The following CADM2 variants were observed in gnomAD, a reference collection of about 807,000 sequenced individuals.
The protein encoded by CADM2 is immunoglobulin superfamily member 4D.
In CADM2, 12 loss-of-function variants were observed where a neutral mutation model predicts 49.8. The observed-to-expected ratio is 0.24, with a 90% CI of 0.15 to 0.39. The LOEUF (loss-of-function observed/expected upper bound fraction) is 0.39, where lower values mean the gene tolerates loss of function less well. Among genes scored for constraint, CADM2 ranks in the 10% least tolerant of loss-of-function variants. CADM2 has a pLI of 1.00. For synonymous variants in CADM2, 214 were observed against 175.4 expected, an observed-to-expected ratio of 1.22 and a Z score of -1.74; for missense variants, 378 against 492.3, an observed-to-expected ratio of 0.77 and a Z score of 2.20.
At chr3:84,987,901 C>G (rs1216761451) in intron 1 of CADM2, among the ~76,000 whole-genome samples, 1 of 152,112 alleles carries the variant, frequency 6.6e-6, no homozygotes. Flanking sequence ...GATAAATGAG[C>G]CCAGTTCTCC....
chr3:86,046,764 C>T (rs529456224), intron 8 of CADM2, among the ~76,000 whole-genome samples: 45 of 151,974 alleles, frequency 3.0e-4, no homozygotes, highest in African/African-American at 9.9e-4. Context: ...ATTTTTCCTC[C>T]GTCTTAAACA....
chr3:85,259,109 A>G (rs1372769658), intron 1 of CADM2, among the ~76,000 whole-genome samples: 2 of 152,176 alleles, frequency 1.3e-5, no homozygotes, highest in Admixed American at 6.6e-5. Context: ...AAGGGAAACT[A>G]AAACAAGTAC....
intron 1 of CADM2, among the ~76,000 whole-genome samples, chr3:85,703,444 C>G (rs571066919): frequency 6.6e-6 from 1 of 152,204 alleles, no homozygotes; most frequent in African/African-American, 2.4e-5. Context: ...TCCATTCACA[C>G]TAAGAGAATA....
intron 2 of CADM2, among the ~76,000 whole-genome samples, chr3:85,760,311 C>T (rs2069311625): frequency 6.6e-6 from 1 of 151,058 alleles, no homozygotes; most frequent in Admixed American, 6.6e-5. Flanking sequence ...AAATTTTTCC[C>T]AGCTGTGTCC....
intron 1 of CADM2, among the ~76,000 whole-genome samples, chr3:85,635,924 C>T (rs1351921449): frequency 1.3e-5 from 2 of 152,098 alleles, no homozygotes; most frequent in East Asian, 3.8e-4. Context: ...ATAACATTGT[C>T]ATATAGAACA....
At chr3:85,416,585 C>A (rs187764981) in intron 1 of CADM2, among the ~76,000 whole-genome samples, 4 of 152,174 alleles carry the variant, frequency 2.6e-5, no homozygotes, top group Admixed American at 2.6e-4. Flanking sequence ...CTAATGCCCC[C>A]ACTCCAAAGA....
rs183122327 is a variant in CADM2 at position 85,885,836 on chromosome 3, A to G, written c.392-354A>G. 2.5e-3 allele frequency among the ~76,000 whole-genome samples: 352 copies of G among 140,658 alleles called. 1 individual carries two copies. The highest frequency in any genetic ancestry group is 9.5e-3 in the African/African-American group (342 of 36,004). The allele number at this position is 140,658 out of a possible 152,430, so 92.3% of individuals were successfully genotyped here. ...CAGTCCACTCCATCCTGGGCGACAGAGCAAGATCCTGTCTCAAAAAAAAAA... is the reference window on the plus strand; with the variant it reads ...CAGTCCACTCCATCCTGGGCGACAGGGCAAGATCCTGTCTCAAAAAAAAAA... On this transcript the variant is annotated intron_variant, in intron 4 of 9. Coordinates refer to ENST00000383699, the MANE Select transcript of CADM2 (RefSeq NM_001167675.2).
At chr3:85,489,585 A>G (rs895943189) in intron 1 of CADM2, among the ~76,000 whole-genome samples, 1 of 152,074 alleles carries the variant, frequency 6.6e-6, no homozygotes, top group African/African-American at 2.4e-5. Flanking sequence ...GCGCACCAGA[A>G]TGGCACATGT....
rs1232366745 is a variant in CADM2 at position 85,530,321 on chromosome 3, CGTTTTT to C, written c.62-196200_62-196195del. On this transcript the variant is annotated intron_variant, in intron 1 of 9. Coordinates refer to ENST00000383699, the MANE Select transcript of CADM2 (RefSeq NM_001167675.2). ...GTGAGTCAGTTAGACTTCTTTTCTCCGTTTTTTTTTTTTTTTTTTTTTTTTTTGAGA... is the reference window on the plus strand; with the variant it reads ...GTGAGTCAGTTAGACTTCTTTTCTCCTTTTTTTTTTTTTTTTTTTTTGAGA... Among the ~76,000 whole-genome samples, 458 of 119,024 alleles carry C rather than the reference CGTTTTT, an allele frequency of 3.8e-3. 27 individuals are homozygous for C. The highest frequency in any genetic ancestry group is 0.021 in the Middle Eastern group (5 of 236). 78.1% of individuals were successfully genotyped at this position (119,024 alleles called of 152,430 possible). A position where few individuals can be genotyped will look rare whatever the true frequency, so the allele number is the denominator to read the frequency against.
intron 1 of CADM2, among the ~76,000 whole-genome samples, chr3:85,520,043 C>T (rs2060995188): frequency 6.6e-6 from 1 of 151,898 alleles, no homozygotes; most frequent in South Asian, 2.1e-4. Flanking sequence ...GTACTATTGT[C>T]CCTGGAGACT....
chr3:84,961,238 C>A (rs1288790835), intron 1 of CADM2, among the ~76,000 whole-genome samples: 2 of 152,086 alleles, frequency 1.3e-5, no homozygotes, highest in East Asian at 3.9e-4. Context: ...CTGCCCTCCT[C>A]CGGGATATAG....
chr3:86,068,741 T>C lies in CADM2; in HGVS notation c.*1958T>C, dbSNP rs1739588617. ...TTTTTCAGAATATACAGAACATAAA[T>C]AATATGATGTGGTTGAGTGTTAACA... On this transcript the variant is annotated 3_prime_UTR_variant, in exon 10 of 10. Coordinates refer to ENST00000383699, the MANE Select transcript of CADM2 (RefSeq NM_001167675.2). 6.6e-6 allele frequency: 1 copy of C among 152,364 alleles called. No homozygotes were observed. Among genetic ancestry groups the C allele is most frequent in the African/African-American group, 2.4e-5 (1 of 41,432 alleles). The allele number at this position is 152,364 out of a possible 1,614,324, so 9.4% of individuals were successfully genotyped here. A position where few individuals can be genotyped will look rare whatever the true frequency, so the allele number is the denominator to read the frequency against.
At chr3:85,934,250 G>A (rs1282560276) in intron 6 of CADM2, among the ~76,000 whole-genome samples, 2 of 152,092 alleles carry the variant, frequency 1.3e-5, no homozygotes, top group Admixed American at 6.6e-5. Flanking sequence ...GACCAGAACA[G>A]TCTGGTTCAC....
intron 1 of CADM2, among the ~76,000 whole-genome samples, chr3:85,641,097 A>G (rs921273989): frequency 3.9e-5 from 6 of 152,194 alleles, no homozygotes; most frequent in African/African-American, 1.4e-4. Context: ...TAGAACTTCT[A>G]CCACTGCATT....
chr3:85,045,014 C>T (rs1399827715), intron 1 of CADM2, among the ~76,000 whole-genome samples: 1 of 152,032 alleles, frequency 6.6e-6, no homozygotes, highest in Non-Finnish European at 1.5e-5. Flanking sequence ...TAAGACATTG[C>T]TTTAAAAAGC....
chr3:85,543,996 A>C (rs17517273), intron 1 of CADM2, among the ~76,000 whole-genome samples: 77,905 of 152,080 alleles, frequency 0.51, 23,046 homozygotes, highest in East Asian at 0.85. Flanking sequence ...CTTCCAATAT[A>C]CTGATAGCAT....
intron 1 of CADM2, among the ~76,000 whole-genome samples, chr3:85,246,625 A>G (rs1400520730): frequency 6.6e-6 from 1 of 152,134 alleles, no homozygotes; most frequent in Non-Finnish European, 1.5e-5. Context: ...TTCTAGGAAT[A>G]GTCTCTTTAA....
chr3:85,901,642 T>A (rs1017714617), intron 5 of CADM2, among the ~76,000 whole-genome samples: 1 of 152,204 alleles, frequency 6.6e-6, no homozygotes, highest in Non-Finnish European at 1.5e-5. Flanking sequence ...TATTTTCACA[T>A]AGAAACATTA....
chr3:85,625,418 A>T (rs1559950805), intron 1 of CADM2, among the ~76,000 whole-genome samples: 1 of 152,078 alleles, frequency 6.6e-6, no homozygotes, highest in East Asian at 1.9e-4. Context: ...ATCTGTAAGG[A>T]TGCATGCTAT....
Sources: allele counts gnomAD v4.1 joint callset (sites outside exome capture counted in the v4.1 genomes callset), GRCh38; gene constraint gnomAD v4.1.1; transcripts MANE v1.5; gene names NCBI Gene and HGNC (gene_info 2026-07-23, HGNC 2026-07-21).